CUL4A: variants seen among roughly 807,000 people sequenced by gnomAD.
CUL4A encodes cullin-4A.
CUL4A carries 16 observed loss-of-function variants against 95.5 expected under a neutral mutation model. The observed-to-expected ratio is 0.17, with a 90% CI of 0.11 to 0.25. The LOEUF is 0.25. Among genes scored for constraint, CUL4A ranks in the 10% least tolerant of loss-of-function variants. CUL4A has a pLI of 1.00. For synonymous variants in CUL4A, 380 were observed against 353.1 expected, an observed-to-expected ratio of 1.08 and a Z score of -0.85; for missense variants, 610 against 937.0, an observed-to-expected ratio of 0.65 and a Z score of 4.56.
Position 113,263,601 on chromosome 13 carries a change from C to G in CUL4A, c.*19C>G. The stretch of plus-strand genomic sequence containing the variant: ...GGCCTGACGCATCTGCAGACGGTTC[C>G]CCTTCATGAAACACTAGAATGTACC... On this transcript the variant is annotated 3_prime_UTR_variant, in exon 20 of 20. Coordinates refer to ENST00000375440, the MANE Select transcript of CUL4A (RefSeq NM_001008895.4). 6.7e-7 allele frequency: 1 copy of G among 1,501,078 alleles called. No homozygotes were observed. Among genetic ancestry groups the G allele is most frequent in the Admixed American group, 1.9e-5 (1 of 53,722 alleles). The allele number at this position is 1,501,078 out of a possible 1,614,324, so 93.0% of individuals were successfully genotyped here.
At chr13:113,214,665 C>G (rs180881733) in intron 2 of CUL4A, among the ~76,000 whole-genome samples, 1 of 152,122 alleles carries the variant, frequency 6.6e-6, no homozygotes, top group African/African-American at 2.4e-5. Flanking sequence ...CATGCAAGTT[C>G]TGAGGAAAGC....
At chr13:113,213,415 A>G (rs2040526079) in intron 2 of CUL4A, among the ~76,000 whole-genome samples, 1 of 152,132 alleles carries the variant, frequency 6.6e-6, no homozygotes, top group African/African-American at 2.4e-5. Context: ...GTTGCTTCGT[A>G]TATTTTGCCT....
chr13:113,258,227 G>A (rs1286627922), intron 18 of CUL4A, among the ~76,000 whole-genome samples: 11 of 152,244 alleles, frequency 7.2e-5, no homozygotes, highest in Non-Finnish European at 1.3e-4. Context: ...CTGGGCTCAA[G>A]CAGTCTTCCT....
chr13:113,233,389 C>T, intron 6 of CUL4A, 50 bp downstream of exon 6: 1 of 1,514,902 alleles, frequency 6.6e-7, no homozygotes, highest in South Asian at 1.2e-5. Context: ...CAGCTACTTG[C>T]ACCAGAATAA....
chr13:113,258,276 C>T (rs756628779), intron 18 of CUL4A, among the ~76,000 whole-genome samples: 5 of 152,178 alleles, frequency 3.3e-5, no homozygotes, highest in African/African-American at 7.2e-5. Context: ...CAGCCGTGAG[C>T]CACCGTGCCC....
chr13:113,222,828 A>G (rs1412476863), intron 3 of CUL4A, among the ~76,000 whole-genome samples: 3 of 152,182 alleles, frequency 2.0e-5, no homozygotes, highest in Admixed American at 6.5e-5. Context: ...CGAGCCCAGG[A>G]GGCCGAGGCT....
At chr13:113,216,368 C>A (rs1257618569) in intron 2 of CUL4A, among the ~76,000 whole-genome samples, 1 of 152,226 alleles carries the variant, frequency 6.6e-6, no homozygotes, top group Non-Finnish European at 1.5e-5. Flanking sequence ...ATTTGACATT[C>A]ACACACGTGT....
At chr13:113,214,807 C>T (rs1040710652) in intron 2 of CUL4A, among the ~76,000 whole-genome samples, 1 of 152,092 alleles carries the variant, frequency 6.6e-6, no homozygotes, top group African/African-American at 2.4e-5. Context: ...AAGCTGCAGG[C>T]CCAGCGTAGG....
chr13:113,224,485 A>G (rs1566332002), intron 3 of CUL4A, among the ~76,000 whole-genome samples: 1 of 152,246 alleles, frequency 6.6e-6, no homozygotes, highest in Non-Finnish European at 1.5e-5. Flanking sequence ...AATGCCAGGC[A>G]GTGGTGGACA....
At chr13:113,228,563 A>AG (rs890373058) in intron 4 of CUL4A, among the ~76,000 whole-genome samples, 1 of 152,050 alleles carries the variant, frequency 6.6e-6, no homozygotes, top group Non-Finnish European at 1.5e-5. Flanking sequence ...TTTCTGGGCC[A>AG]GGTAGCTGGC....
At chr13:113,258,107 A>T (rs1391017337) in intron 18 of CUL4A, among the ~76,000 whole-genome samples, 1 of 152,036 alleles carries the variant, frequency 6.6e-6, no homozygotes, top group Non-Finnish European at 1.5e-5. Context: ...TCTTGGGCTC[A>T]AGCGATCCTC....
intron 2 of CUL4A, among the ~76,000 whole-genome samples, chr13:113,214,053 G>A (rs1204854136): frequency 6.6e-6 from 1 of 152,222 alleles, no homozygotes; most frequent in Non-Finnish European, 1.5e-5. Context: ...TTGTATAGGT[G>A]GGGTGGTGTA....
intron 9 of CUL4A, 87 bp from the exon 10 acceptor site, chr13:113,239,346 C>T (rs577278596): frequency 1.1e-5 from 12 of 1,133,690 alleles, no homozygotes; most frequent in African/African-American, 7.6e-5. Context: ...GGTGTATTGA[C>T]GTTCTTCTGG....
chr13:113,229,496 G>A lies in CUL4A; in HGVS notation c.489G>A (p.Gln163=). Residue 163 remains glutamine, a synonymous_variant, in exon 5 of 20, where the codon CAG becomes CAA. Coordinates refer to ENST00000375440, the MANE Select transcript of CUL4A (RefSeq NM_001008895.4). ...TCTTGGACCGCACCTATGTGCTGCA[G>A]AACTCCACGCTGCCCTCCATCTGGT... ...FLFLDRTYVL[Q]NSTLPSIWDM... 3 of 1,613,650 alleles carry A rather than the reference G, an allele frequency of 1.9e-6. No homozygotes were observed. The highest frequency in any genetic ancestry group is 2.5e-6 in the Non-Finnish European group (3 of 1,180,010).
chr13:113,209,512 G>A, upstream of CUL4A: 1 of 601,298 alleles, frequency 1.7e-6, no homozygotes, highest in Non-Finnish European at 2.1e-6. Flanking sequence ...CACGCGGGCG[G>A]GGCGGGGCGG....
At chr13:113,232,097 T>C (rs867769205) in intron 5 of CUL4A, among the ~76,000 whole-genome samples, 952 of 75,538 alleles carry the variant, frequency 0.013, 115 homozygotes, top group African/African-American at 0.069. Flanking sequence ...ACCATTACTG[T>C]CACCACTACC....
chr13:113,242,832 T>C, intron 10 of CUL4A, 136 bp from the exon 11 acceptor site: 1 of 668,756 alleles, frequency 1.5e-6, no homozygotes, highest in Non-Finnish European at 2.4e-6. Context: ...ATTCAATTTG[T>C]GAAACTTTTA....
chr13:113,242,880 T>G (rs1204485533), intron 10 of CUL4A, 88 bp from the exon 11 acceptor site: 7 of 1,034,130 alleles, frequency 6.8e-6, no homozygotes, highest in Non-Finnish European at 9.8e-6. Context: ...TAATTTATGT[T>G]AAACTATCCT....
In CUL4A at chr13:113,252,315, C is replaced by T. The variant is rs9577485; in HGVS notation, c.1639-767C>T. Among the ~76,000 whole-genome samples the T allele has an allele frequency of 0.015, 2,312 of 152,182 alleles. 159 individuals carry two copies. The East Asian group carries it at 0.2, about 13-fold the overall frequency. On this transcript the variant is annotated intron_variant, in intron 15 of 19. Coordinates refer to ENST00000375440, the MANE Select transcript of CUL4A (RefSeq NM_001008895.4). ...TTTTGGGAGGCCGAGGCAGGAGGAG[C>T]GCTTGGGCCCAGGATTTCAAGACCA...
Sources: allele counts gnomAD v4.1 joint callset (sites outside exome capture counted in the v4.1 genomes callset), GRCh38; gene constraint gnomAD v4.1.1; transcripts MANE v1.5; gene names NCBI Gene and HGNC (gene_info 2026-07-23, HGNC 2026-07-21).